CST8: variants seen among roughly 807,000 people sequenced by gnomAD.
The protein encoded by CST8 is cystatin-8.
A neutral mutation model predicts 11.8 loss-of-function variants in CST8; 20 were observed. That is an observed-to-expected ratio of 1.70 (90% confidence interval 1.20 to 2.47). CST8 has a LOEUF of 2.47. Ranked by LOEUF, CST8 falls within the 30% of genes most tolerant of loss-of-function variation. The pLI, the probability that CST8 is intolerant of heterozygous loss-of-function variation, is 0.00. For synonymous variants in CST8, 77 were observed against 63.1 expected (o/e 1.22, Z -1.05); for missense variants, 196 against 167.2 (o/e 1.17, Z -0.95).
intron 3 of CST8, among the ~76,000 whole-genome samples, chr20:23,494,597 T>C (rs985560196): frequency 5.9e-5 from 9 of 152,174 alleles, no homozygotes; most frequent in African/African-American, 2.2e-4. Context: ...CTATTTGAGA[T>C]GGCCCTTGCG....
rs947512259 is a variant in CST8 at position 23,492,825 on chromosome 20, G to A, written c.232-133G>A. 7.1e-5 allele frequency: 49 copies of A among 688,430 alleles called. 3 individuals are homozygous for A. Among genetic ancestry groups the A allele is most frequent in the South Asian group, 5.8e-4 (34 of 58,464 alleles). 42.6% of individuals were successfully genotyped at this position (688,430 alleles called of 1,614,324 possible). On this transcript the variant is annotated intron_variant, in intron 2 of 3. Coordinates refer to ENST00000246012, the MANE Select transcript of CST8 (RefSeq NM_005492.4). ...CAGGCAGTGGGCATCTTAGCCTTCC[G>A]CTAAAGCTCTGTCTGGGGGTGAGGG... is the stretch of plus-strand genomic sequence containing the variant.
rs755777613 is a variant in CST8 at position 23,491,773 on chromosome 20, A to C, written c.106A>C (p.Lys36Gln). Residue 36 changes from lysine (K) to glutamine (Q), a missense_variant, in exon 2 of 4, where the codon AAA (lysine) becomes CAA (glutamine). Transcript: ENST00000246012. ...KNETGVLRKL[K>Q]PVNASNANVK... ...TGAGACAGGGGTGCTGAGGAAATTA[A>C]AACCCGTCAATGCCTCAAATGCCAA... 1.2e-6 allele frequency: 2 copies of C among 1,614,126 alleles called. No homozygotes were observed. The highest frequency in any genetic ancestry group is 2.2e-5 in the South Asian group (2 of 91,078).
At chr20:23,505,690 A>G in the CST8 span, among the ~76,000 whole-genome samples, 1 of 152,192 alleles carries the variant, frequency 6.6e-6, no homozygotes, top group East Asian at 1.9e-4. Context: ...GATCCAGTGG[A>G]AAATGAGATG....
intron 3 of CST8, among the ~76,000 whole-genome samples, chr20:23,493,444 C>A (rs1288061129): frequency 2.0e-5 from 3 of 152,212 alleles, no homozygotes; most frequent in Admixed American, 1.3e-4. Context: ...CATACAGACA[C>A]AAAAGGAACT....
downstream of CST8, among the ~76,000 whole-genome samples, chr20:23,496,410 A>G (rs1236782287): frequency 6.6e-6 from 1 of 152,106 alleles, no homozygotes; most frequent in Non-Finnish European, 1.5e-5. Context: ...AGAGTTTATT[A>G]GTGATTTTCA....
rs976147582 is a variant in CST8 at position 23,495,960 on chromosome 20, T to C, written c.*46T>C. The C allele has an allele frequency of 1.4e-6, 2 of 1,453,168 alleles. No homozygotes were observed. The highest frequency in any genetic ancestry group is 2.9e-5 in the African/African-American group (2 of 70,148). The allele number at this position is 1,453,168 out of a possible 1,614,324, so 90.0% of individuals were successfully genotyped here. A position where few individuals can be genotyped will look rare whatever the true frequency, so the allele number is the denominator to read the frequency against. ...CCAACCTCTGTGACTACTTTATCCA[T>C]GAAAATGAAGCAATGGCAGGTGGGA... On this transcript the variant is annotated 3_prime_UTR_variant, in exon 4 of 4. Transcript: ENST00000246012.
At chr20:23,504,643 C>A in the CST8 span, among the ~76,000 whole-genome samples, 1 of 151,996 alleles carries the variant, frequency 6.6e-6, no homozygotes, top group Non-Finnish European at 1.5e-5. Flanking sequence ...CTATTTAATG[C>A]ATATATAGAA....
At chr20:23,501,077 G>T in the CST8 span, among the ~76,000 whole-genome samples, 1 of 152,112 alleles carries the variant, frequency 6.6e-6, no homozygotes, top group Admixed American at 6.5e-5. Context: ...CTGTTAACTT[G>T]TGGAGCTTTT....
the CST8 span, among the ~76,000 whole-genome samples, chr20:23,503,526 T>C: frequency 3.3e-5 from 5 of 151,162 alleles, no homozygotes; most frequent in Admixed American, 6.6e-5. Flanking sequence ...ACCAAGAAAA[T>C]ACAAATAAAA....
downstream of CST8, among the ~76,000 whole-genome samples, chr20:23,497,506 C>T (rs1988078617): frequency 6.6e-6 from 1 of 152,222 alleles, no homozygotes; most frequent in South Asian, 2.1e-4. Flanking sequence ...CCTGTGGGAT[C>T]TCTATAAATT....
At chr20:23,504,234 T>C in the CST8 span, among the ~76,000 whole-genome samples, 1 of 152,174 alleles carries the variant, frequency 6.6e-6, no homozygotes, top group African/African-American at 2.4e-5. Context: ...GCCAAGTAGC[T>C]ACAGGGTGCC....
the CST8 span, among the ~76,000 whole-genome samples, chr20:23,505,131 G>A: frequency 1.4e-5 from 2 of 144,170 alleles, no homozygotes; most frequent in African/African-American, 5.2e-5. Flanking sequence ...CCACAGGCAA[G>A]AAGCATTCTT....
At chr20:23,492,306 A>G (rs1288949386) in intron 2 of CST8, among the ~76,000 whole-genome samples, 1 of 152,240 alleles carries the variant, frequency 6.6e-6, no homozygotes, top group Non-Finnish European at 1.5e-5. Context: ...ATTTAAATGG[A>G]CATCACAAGT....
chr20:23,491,418 G>A (rs568283031), intron 1 of CST8, 76 bp downstream of exon 1: 1 of 543,602 alleles, frequency 1.8e-6, no homozygotes, highest in Admixed American at 3.1e-5. Context: ...GGGTAAGGAG[G>A]GGAGGCTGGT....
intron 3 of CST8, among the ~76,000 whole-genome samples, chr20:23,493,329 G>C (rs992940073): frequency 2.6e-5 from 4 of 152,130 alleles, no homozygotes; most frequent in Admixed American, 1.3e-4. Context: ...ATTGACTTCT[G>C]GCCTTTTGAT....
downstream of CST8, chr20:23,496,160 AG>A (rs1470616534): frequency 9.4e-5 from 46 of 486,884 alleles, no homozygotes; most frequent in East Asian, 1.5e-3. Flanking sequence ...TACAAAGGTT[AG>A]GGTGAGGTCT....
In CST8 at chr20:23,491,763, G is replaced by A; in HGVS notation, c.96G>A (p.Leu32=). The A allele has an allele frequency of 6.2e-7, 1 of 1,614,070 alleles. No homozygotes were observed. Among genetic ancestry groups the A allele is most frequent in the Non-Finnish European group, 8.5e-7 (1 of 1,179,944 alleles). Reference sequence around the variant, plus strand: ...CAAAAAAGAATGAGACAGGGGTGCTGAGGAAATTAAAACCCGTCAATGCCT... The same window carrying A: ...CAAAAAAGAATGAGACAGGGGTGCTAAGGAAATTAAAACCCGTCAATGCCT... The part of the protein sequence containing the change: ...KDPKKNETGV[L]RKLKPVNASN... The change falls in exon 2 of 4, where the codon CTG becomes CTA. Residue 32 remains leucine (L), a synonymous_variant. Coordinates refer to ENST00000246012, the MANE Select transcript of CST8 (RefSeq NM_005492.4).
At chr20:23,494,875 T>C (rs1004122323) in intron 3 of CST8, among the ~76,000 whole-genome samples, 8 of 152,314 alleles carry the variant, frequency 5.3e-5, no homozygotes, top group South Asian at 4.1e-4. Flanking sequence ...TAAATTCGTG[T>C]CACAGGGGTT....
the CST8 span, among the ~76,000 whole-genome samples, chr20:23,506,164 C>T: frequency 6.6e-6 from 1 of 152,088 alleles, no homozygotes; most frequent in Non-Finnish European, 1.5e-5. Context: ...TTCTTACTTG[C>T]TGGAATAATT....
Sources: gnomAD v4.1 joint callset for allele counts (sites outside exome capture counted in the v4.1 genomes callset) on GRCh38, gnomAD v4.1.1 for gene constraint, MANE v1.5 for transcripts, NCBI Gene and HGNC (gene_info 2026-07-23, HGNC 2026-07-21) for gene names.